WIPI2: variants seen among roughly 807,000 people sequenced by gnomAD.
The protein encoded by WIPI2 is WD repeat domain phosphoinositide-interacting protein 2.
A neutral mutation model predicts 52.3 loss-of-function variants in WIPI2; 28 were observed. The ratio of observed to expected loss-of-function variants is 0.54; its 90% CI spans 0.40 to 0.73. WIPI2 has a LOEUF of 0.73. Among genes scored for constraint, WIPI2 ranks in the 30% least tolerant of loss-of-function variants. The pLI, the probability that WIPI2 is intolerant of heterozygous loss-of-function variation, is 0.00. For synonymous variants in WIPI2, 268 were observed against 245.0 expected (o/e 1.09, Z -0.88); for missense variants, 506 against 602.9 (o/e 0.84, Z 1.68).
In WIPI2 at chr7:5,232,452, C is replaced by G. The variant is rs908533926; in HGVS notation, c.*1505C>G. 1 of 397,644 alleles carries G rather than the reference C, an allele frequency of 2.5e-6. No individual in the cohort carries two copies. Among genetic ancestry groups the G allele is most frequent in the Non-Finnish European group, 4.4e-6 (1 of 225,952 alleles). 24.6% of individuals were successfully genotyped at this position (397,644 alleles called of 1,614,324 possible). A position where few individuals can be genotyped will look rare whatever the true frequency, so the allele number is the denominator to read the frequency against. On this transcript the variant is annotated 3_prime_UTR_variant, in exon 13 of 13. Transcript: ENST00000288828. ...CCCAGCCGCTGGTGTGCGGCACACA[C>G]AACATCTGCATTAGGCAGAGGTGCA...
rs915137470 is a variant in WIPI2 at position 5,231,808 on chromosome 7, C to G, written c.*861C>G. On this transcript the variant is annotated 3_prime_UTR_variant, in exon 13 of 13. Coordinates refer to ENST00000288828, the MANE Select transcript of WIPI2 (RefSeq NM_015610.4). ...CTCCCATGCCCAGGAAAGCACAGAA[C>G]TCAAGTGTGGTGGCCGTCTGAGCTG... 1.0e-4 allele frequency: 19 copies of G among 184,836 alleles called. No homozygotes were observed. The highest frequency in any genetic ancestry group is 1.8e-4 in the Non-Finnish European group (16 of 90,270). 11.4% of individuals were successfully genotyped at this position (184,836 alleles called of 1,614,324 possible).
chr7:5,193,499 C>G (rs1169956103), intron 2 of WIPI2, among the ~76,000 whole-genome samples: 3 of 152,220 alleles, frequency 2.0e-5, no homozygotes, highest in Non-Finnish European at 4.4e-5. Context: ...TCCACCATGT[C>G]TCTTCTAGGT....
chr7:5,200,721 G>A (rs551804304), intron 3 of WIPI2, among the ~76,000 whole-genome samples: 4 of 152,240 alleles, frequency 2.6e-5, no homozygotes, highest in South Asian at 2.1e-4. Context: ...CAGCAGGTGC[G>A]GCCTTTCGGA....
Position 5,198,263 on chromosome 7 carries a change from G to A in WIPI2, c.129-1313G>A, listed in dbSNP as rs552159718. Among the ~76,000 whole-genome samples, 21 of 151,980 alleles carry A rather than the reference G, an allele frequency of 1.4e-4. 1 individual carries two copies. Among genetic ancestry groups the A allele is most frequent in the Middle Eastern group, 6.8e-3 (2 of 294 alleles). On this transcript the variant is annotated intron_variant, in intron 2 of 12. Transcript: ENST00000288828. ...TGCAGAAGCACAGAGAGATGCCTGC[G>A]CCCACCTCGATTTTAAATACCTTCG...
intron 3 of WIPI2, among the ~76,000 whole-genome samples, chr7:5,209,775 C>G (rs1338421443): frequency 6.6e-6 from 1 of 152,120 alleles, no homozygotes; most frequent in Non-Finnish European, 1.5e-5. Flanking sequence ...TCCAGGCAAG[C>G]AGTCTCAACC....
chr7:5,208,285 T>A (rs1782387451), intron 3 of WIPI2, among the ~76,000 whole-genome samples: 1 of 152,198 alleles, frequency 6.6e-6, no homozygotes, highest in Admixed American at 6.5e-5. Context: ...ATTATAGAGT[T>A]GTTAGAGCTC....
rs566274344 is a variant in WIPI2 at position 5,227,270 on chromosome 7, G to A, written c.939G>A (p.Met313Ile). ...ACCTGCCTTCCCAAGTGACAGAAAT[G>A]TTCAACCAGGGCAGAGCCTTCGCCA... The part of the protein sequence containing the change: ...TSYLPSQVTE[M>I]FNQGRAFATV... The change falls in exon 10 of 13, where the codon ATG (methionine) becomes ATA (isoleucine). Residue 313 changes from methionine (M) to isoleucine (I), a missense_variant. Met to Ile is a conservative substitution (Grantham distance 10). Transcript: ENST00000288828. This position sits in a 1 kb window ranked among gnomAD's most constrained non-coding sequence, Gnocchi z 8.1. 1 of 1,613,752 alleles carries A rather than the reference G, an allele frequency of 6.2e-7. No homozygotes were observed. The highest frequency in any genetic ancestry group is 1.3e-5 in the African/African-American group (1 of 75,052).
chr7:5,211,967 G>GAA (rs1782584573), intron 3 of WIPI2, among the ~76,000 whole-genome samples: 1 of 152,198 alleles, frequency 6.6e-6, no homozygotes, highest in Non-Finnish European at 1.5e-5. Flanking sequence ...GAGCACTTCT[G>GAA]CCTCTTGGAT....
At chr7:5,192,543 T>C (rs575134574) in intron 1 of WIPI2, among the ~76,000 whole-genome samples, 1 of 152,200 alleles carries the variant, frequency 6.6e-6, no homozygotes, top group Admixed American at 6.6e-5. Context: ...ATTTTCACAC[T>C]TACCCACTTC....
At position 5,227,172 on chromosome 7, in the gene WIPI2, C is replaced by T. The variant is rs202024447; in HGVS notation, c.849-8C>T. The T allele has an allele frequency of 2.5e-6, 4 of 1,613,682 alleles. No individual in the cohort carries two copies. Among genetic ancestry groups the T allele is most frequent in the Middle Eastern group, 1.7e-4 (1 of 6,058 alleles). On this transcript the variant is annotated splice_region_variant and splice_polypyrimidine_tract_variant and intron_variant, in intron 9 of 12. Transcript: ENST00000288828. This position sits in a 1 kb window ranked among gnomAD's most constrained non-coding sequence, Gnocchi z 8.1. The stretch of plus-strand genomic sequence containing the variant: ...CAGCTTCATGTGTCTGGTGGCCTTT[C>T]CTTCCAGACCCCCAGAGGAGCCCAC...
chr7:5,192,997 T>C, intron 1 of WIPI2, 121 bp from the exon 2 acceptor site: 2 of 912,218 alleles, frequency 2.2e-6, no homozygotes, highest in South Asian at 3.1e-5. Flanking sequence ...GTCCTGCCTT[T>C]CTTTACTGGT....
At chr7:5,213,789 C>G (rs1017721404) in intron 3 of WIPI2, among the ~76,000 whole-genome samples, 2 of 151,750 alleles carry the variant, frequency 1.3e-5, no homozygotes, top group Non-Finnish European at 2.9e-5. Context: ...GGGTTCACAC[C>G]GTTCTCCTGC....
intron 8 of WIPI2, 155 bp downstream of exon 8, chr7:5,222,827 T>A: frequency 1.4e-6 from 1 of 709,148 alleles, no homozygotes. Context: ...GCGTCGGTCT[T>A]GTCATGGGAA....
intron 2 of WIPI2, among the ~76,000 whole-genome samples, chr7:5,193,713 C>G (rs150590781): frequency 6.4e-4 from 97 of 152,052 alleles, no homozygotes; most frequent in Non-Finnish European, 1.2e-3. Flanking sequence ...GAAACCGGGA[C>G]TACAGGCGTA....
intron 5 of WIPI2, 46 bp from the exon 6 acceptor site, chr7:5,217,044 C>A: frequency 6.4e-7 from 1 of 1,560,916 alleles, no homozygotes; most frequent in Non-Finnish European, 8.8e-7. Context: ...CAAGAAGGAA[C>A]TCTCAGGTGG....
chr7:5,203,625 C>CTTT (rs10709311), intron 3 of WIPI2, among the ~76,000 whole-genome samples: 78 of 66,362 alleles, frequency 1.2e-3, no homozygotes, highest in East Asian at 1.5e-3. Flanking sequence ...TACGTTCAGC[C>CTTT]TTTTTTTTTT....
At chr7:5,203,361 G>C (rs1437345165) in intron 3 of WIPI2, among the ~76,000 whole-genome samples, 2 of 152,166 alleles carry the variant, frequency 1.3e-5, no homozygotes, top group African/African-American at 4.8e-5. Context: ...AGACACACAC[G>C]GAAGTGGATT....
chr7:5,219,504 A>G (rs1782983657), intron 7 of WIPI2, among the ~76,000 whole-genome samples: 1 of 152,032 alleles, frequency 6.6e-6, no homozygotes, highest in Non-Finnish European at 1.5e-5. Flanking sequence ...TGTACATGGA[A>G]TGCTCTCATC....
At chr7:5,209,578 A>G (rs1427129413) in intron 3 of WIPI2, among the ~76,000 whole-genome samples, 1 of 152,186 alleles carries the variant, frequency 6.6e-6, no homozygotes, top group Non-Finnish European at 1.5e-5. Context: ...ATTGGAATTT[A>G]TCACCACCTC....
Sources: gnomAD v4.1 joint callset for allele counts (sites outside exome capture counted in the v4.1 genomes callset) on GRCh38, gnomAD v4.1.1 for gene constraint, Gnocchi (gnomAD v3.1) non-coding constraint, MANE v1.5 for transcripts, NCBI Gene and HGNC (gene_info 2026-07-23, HGNC 2026-07-21) for gene names.